Variants in CAPZB observed in about 807,000 individuals in gnomAD.
The protein encoded by CAPZB is capping actin protein of muscle Z-line subunit beta.
CAPZB carries 2 observed loss-of-function variants against 38.1 expected under a neutral mutation model. That is an observed-to-expected ratio of 0.05 (90% CI 0.02 to 0.17). The LOEUF (loss-of-function observed/expected upper bound fraction) is 0.17. CAPZB is among the 10% of genes least tolerant of loss of function. The pLI is 1.00. For missense variants in CAPZB, 161 were observed against 334.2 expected, an observed-to-expected ratio of 0.48 and a Z score of 4.04; for synonymous variants, 107 against 127.4, an observed-to-expected ratio of 0.84 and a Z score of 1.08.
chr1:19,417,326 T>C (rs1021431438), intron 2 of CAPZB, among the ~76,000 whole-genome samples: 4 of 152,176 alleles, frequency 2.6e-5, no homozygotes, highest in Admixed American at 2.6e-4. Context: ...ATTTCTAAAA[T>C]ACAGTAATAA....
chr1:19,409,091 T>A (rs1010052769), intron 2 of CAPZB, among the ~76,000 whole-genome samples: 14 of 152,182 alleles, frequency 9.2e-5, no homozygotes, highest in Admixed American at 3.3e-4. Flanking sequence ...AGGAAAACAA[T>A]GTTTCCCAAA....
chr1:19,373,381 C>G (rs922317628), intron 4 of CAPZB, among the ~76,000 whole-genome samples: 2 of 152,246 alleles, frequency 1.3e-5, no homozygotes, highest in African/African-American at 4.8e-5. Context: ...TCCCCTGGCC[C>G]AGCTCCATCA....
intron 2 of CAPZB, among the ~76,000 whole-genome samples, chr1:19,391,608 G>A (rs555068369): frequency 2.8e-4 from 43 of 152,298 alleles, no homozygotes; most frequent in African/African-American, 1.0e-3. Flanking sequence ...ACATACACTC[G>A]TGTCAGAAAC....
At chr1:19,473,354 G>A (rs1222514597) in intron 1 of CAPZB, among the ~76,000 whole-genome samples, 1 of 152,184 alleles carries the variant, frequency 6.6e-6, no homozygotes, top group East Asian at 1.9e-4. Flanking sequence ...GGCTATGGTA[G>A]TAATTGCATA....
chr1:19,449,155 G>A (rs1482089053), intron 1 of CAPZB: 15 of 1,342,258 alleles, frequency 1.1e-5, no homozygotes, highest in Non-Finnish European at 1.4e-5. Context: ...CTGTAAGGCT[G>A]ATAACGCACA....
intron 2 of CAPZB, 87 bp from the exon 3 acceptor site, chr1:19,385,713 G>A: frequency 6.5e-7 from 1 of 1,533,638 alleles, no homozygotes; most frequent in Non-Finnish European, 9.0e-7. Flanking sequence ...CCATATTGTG[G>A]TCAGTACCTT....
At chr1:19,402,672 C>T (rs1398571876) in intron 2 of CAPZB, among the ~76,000 whole-genome samples, 6 of 151,198 alleles carry the variant, frequency 4.0e-5, no homozygotes, top group African/African-American at 1.5e-4. Context: ...CCACTCTAAG[C>T]TTTCCCTGGG....
intron 1 of CAPZB, among the ~76,000 whole-genome samples, chr1:19,427,881 T>A (rs761927373): frequency 6.6e-6 from 1 of 152,236 alleles, no homozygotes; most frequent in South Asian, 2.1e-4. Context: ...CAAGTCAATG[T>A]CATCTTTTTA....
chr1:19,368,916 G>C (rs2094105631), intron 4 of CAPZB, among the ~76,000 whole-genome samples: 1 of 152,152 alleles, frequency 6.6e-6, no homozygotes, highest in Non-Finnish European at 1.5e-5. Flanking sequence ...AGGGTCTCTG[G>C]CAGGATGGGG....
chr1:19,437,511 G>A (rs1332109328), intron 1 of CAPZB, among the ~76,000 whole-genome samples: 3 of 152,132 alleles, frequency 2.0e-5, no homozygotes, highest in African/African-American at 7.2e-5. Flanking sequence ...CTGTCTTCAG[G>A]TCTTGTCAAT....
chr1:19,408,539 C>T (rs1330822869), intron 2 of CAPZB, among the ~76,000 whole-genome samples: 3 of 152,248 alleles, frequency 2.0e-5, no homozygotes, highest in African/African-American at 7.2e-5. Flanking sequence ...GCTCTGTTCT[C>T]TCCACCTATT....
intron 1 of CAPZB, among the ~76,000 whole-genome samples, chr1:19,469,704 T>C (rs1250512828): frequency 1.3e-5 from 2 of 150,246 alleles, no homozygotes; most frequent in African/African-American, 2.5e-5. Flanking sequence ...TGGGGACTTA[T>C]CTCAAGGAAG....
At chr1:19,458,212 A>G (rs898941354) in intron 1 of CAPZB, among the ~76,000 whole-genome samples, 7 of 152,106 alleles carry the variant, frequency 4.6e-5, no homozygotes, top group Admixed American at 4.6e-4. Context: ...GCCAACACAC[A>G]GCCATTTCTG....
chr1:19,446,791 G>C (rs1002272433), intron 1 of CAPZB, among the ~76,000 whole-genome samples: 13 of 152,106 alleles, frequency 8.5e-5, no homozygotes, highest in African/African-American at 2.7e-4. Context: ...CCCAAATCCT[G>C]GAAATGATAT....
chr1:19,365,009 G>A (rs1569972599), intron 4 of CAPZB, among the ~76,000 whole-genome samples: 1 of 151,860 alleles, frequency 6.6e-6, no homozygotes, highest in African/African-American at 2.4e-5. Flanking sequence ...ACCACACCTG[G>A]GTAATTTTAA....
At chr1:19,406,042 C>T (rs10917445) in intron 2 of CAPZB, among the ~76,000 whole-genome samples, 4,244 of 152,266 alleles carry the variant, frequency 0.028, 199 homozygotes, top group African/African-American at 0.096. Flanking sequence ...AGGCTCTGTG[C>T]GTGCTATGAC....
At chr1:19,442,586 G>A (rs2094481377) in intron 1 of CAPZB, among the ~76,000 whole-genome samples, 2 of 151,100 alleles carry the variant, frequency 1.3e-5, no homozygotes, top group South Asian at 4.3e-4. Flanking sequence ...AATGTTTACT[G>A]GACATTAGGC....
intron 1 of CAPZB, among the ~76,000 whole-genome samples, chr1:19,442,429 GC>G (rs2094480706): frequency 6.6e-6 from 1 of 152,056 alleles, no homozygotes; most frequent in Admixed American, 6.6e-5. Flanking sequence ...ATAATTGGGG[GC>G]TCATTATATC....
At chr1:19,372,276 G>A (rs1357750660) in intron 4 of CAPZB, among the ~76,000 whole-genome samples, 5 of 152,164 alleles carry the variant, frequency 3.3e-5, no homozygotes, top group East Asian at 1.9e-4. Flanking sequence ...AATTGCAACC[G>A]CATGTTTGAA....
Sources: gnomAD v4.1 joint callset for allele counts (sites outside exome capture counted in the v4.1 genomes callset) on GRCh38, gnomAD v4.1.1 for gene constraint, MANE v1.5 for transcripts, NCBI Gene and HGNC (gene_info 2026-07-23, HGNC 2026-07-21) for gene names.